Variants in TTBK2 observed in about 807,000 individuals in gnomAD.
TTBK2 encodes the protein tau-tubulin kinase 2.
In TTBK2, 28 loss-of-function variants were observed where a neutral mutation model predicts 110.8. The ratio of observed to expected loss-of-function variants is 0.25; its 90% confidence interval spans 0.19 to 0.35. The LOEUF (loss-of-function observed/expected upper bound fraction) is 0.35. Among genes scored for constraint, TTBK2 ranks in the 10% least tolerant of loss-of-function variants. The pLI is 1.00. For synonymous variants in TTBK2, 532 were observed against 527.3 expected (o/e 1.01, Z -0.12); for missense variants, 1,369 against 1,500.3 (o/e 0.91, Z 1.45).
At chr15:42,839,131 T>C (rs557215272) in intron 4 of TTBK2, among the ~76,000 whole-genome samples, 3 of 152,284 alleles carry the variant, frequency 2.0e-5, no homozygotes, top group East Asian at 1.9e-4. Flanking sequence ...CTGGTGTCTA[T>C]TGTCCCCCTC....
At chr15:42,802,081 A>C (rs778608905) in intron 9 of TTBK2, 2 of 1,463,794 alleles carry the variant, frequency 1.4e-6, no homozygotes, top group Non-Finnish European at 9.5e-7. Flanking sequence ...CTGCTCCAGG[A>C]ACCGTACCTT....
In TTBK2 at chr15:42,743,758, C is replaced by T. The variant is rs2061763198; in HGVS notation, c.*2037G>A. 1 of 152,048 alleles carries T rather than the reference C, an allele frequency of 6.6e-6. No homozygotes were observed. The highest frequency in any genetic ancestry group is 2.4e-5 in the African/African-American group (1 of 41,400). 9.4% of individuals were successfully genotyped at this position (152,048 alleles called of 1,614,324 possible). ...CTTTTTGAAATGAAAATTAAATAAC[C>T]TATCTTGGCTTGTTAAATACTGCCC... On this transcript the variant is annotated 3_prime_UTR_variant, in exon 15 of 15. Coordinates refer to ENST00000267890, the MANE Select transcript of TTBK2 (RefSeq NM_173500.4).
intron 9 of TTBK2, among the ~76,000 whole-genome samples, chr15:42,804,579 T>G (rs1891377067): frequency 6.6e-6 from 1 of 152,180 alleles, no homozygotes; most frequent in Admixed American, 6.5e-5. Flanking sequence ...CTTTTAAGTA[T>G]GGTGCTATTT....
intron 13 of TTBK2, among the ~76,000 whole-genome samples, chr15:42,755,901 A>G (rs2061939078): frequency 6.6e-6 from 1 of 152,208 alleles, no homozygotes; most frequent in Non-Finnish European, 1.5e-5. Flanking sequence ...ATGATAACCT[A>G]TATTCAAAAT....
rs57982301 is a variant in TTBK2, at chr15:42,875,905, C to CAAAAAA, written c.69+2638_69+2643dup. The stretch of plus-strand genomic sequence containing the variant: ...TGGGCGACAGAGCAAGACTCCGTCT[C>CAAAAAA]AAAAAAAAAAAAAAAAAAAAAAGAA... On this transcript the variant is annotated intron_variant, in intron 2 of 14. Coordinates refer to ENST00000267890, the MANE Select transcript of TTBK2 (RefSeq NM_173500.4). Among the ~76,000 whole-genome samples, 71 of 56,456 alleles carry CAAAAAA rather than the reference C, an allele frequency of 1.3e-3. 2 individuals carry two copies. The highest frequency in any genetic ancestry group is 1.7e-3 in the East Asian group (3 of 1,790). The allele number at this position is 56,456 out of a possible 152,430, so 37.0% of individuals were successfully genotyped here. A position where few individuals can be genotyped will look rare whatever the true frequency, so the allele number is the denominator to read the frequency against.
At chr15:42,825,631 C>T (rs1369793793) in intron 6 of TTBK2, among the ~76,000 whole-genome samples, 1 of 152,148 alleles carries the variant, frequency 6.6e-6, no homozygotes, top group Non-Finnish European at 1.5e-5. Flanking sequence ...AAGAGAATCA[C>T]TTGAACCTAG....
chr15:42,806,733 T>G (rs940284826), intron 9 of TTBK2, among the ~76,000 whole-genome samples: 6 of 152,216 alleles, frequency 3.9e-5, no homozygotes, highest in African/African-American at 1.4e-4. Context: ...ATCAAGCTTC[T>G]CTAACCTGTA....
intron 4 of TTBK2, among the ~76,000 whole-genome samples, chr15:42,836,965 A>C (rs1023005659): frequency 4.6e-5 from 7 of 152,326 alleles, no homozygotes; most frequent in African/African-American, 1.7e-4. Flanking sequence ...ATGAGGATCA[A>C]ATAAGATGAT....
intron 9 of TTBK2, among the ~76,000 whole-genome samples, chr15:42,809,106 T>C (rs1027397130): frequency 6.6e-6 from 1 of 152,256 alleles, no homozygotes; most frequent in African/African-American, 2.4e-5. Context: ...ATCACTTACA[T>C]AACATCTTTT....
At chr15:42,910,366 T>C (rs766579015) in intron 1 of TTBK2, among the ~76,000 whole-genome samples, 14 of 152,138 alleles carry the variant, frequency 9.2e-5, no homozygotes, top group Non-Finnish European at 2.1e-4. Context: ...ACAATTTACG[T>C]CCTCCTAATA....
chr15:42,874,639 G>A (rs1894742819), intron 2 of TTBK2, among the ~76,000 whole-genome samples: 1 of 151,492 alleles, frequency 6.6e-6, no homozygotes, highest in Admixed American at 6.6e-5. Flanking sequence ...TTTTCATTTG[G>A]TGATGGGAAA....
Position 42,878,587 on chromosome 15 carries a change from G to A in TTBK2, c.31C>T (p.Leu11=), listed in dbSNP as rs773625809. Residue 11 remains leucine (L), a synonymous_variant, in exon 2 of 15, where the codon CTG becomes TTG. Coordinates refer to ENST00000267890, the MANE Select transcript of TTBK2 (RefSeq NM_173500.4). ...TCTTTCACTAGGATTCCAACACTCA[G>A]GATATCCAGCTGCTCTCCTCCCCCA... MSGGGEQLDI[L]SVGILVKERW... 27 of 1,612,842 alleles carry A rather than the reference G, an allele frequency of 1.7e-5. No individual in the cohort carries two copies. The highest frequency in any genetic ancestry group is 2.2e-5 in the Non-Finnish European group (26 of 1,179,802).
chr15:42,902,967 A>G (rs2030145031), intron 1 of TTBK2, among the ~76,000 whole-genome samples: 2 of 151,274 alleles, frequency 1.3e-5, no homozygotes, highest in Non-Finnish European at 3.0e-5. Context: ...CCTGGGCAAC[A>G]GAGTGACACT....
intron 6 of TTBK2, among the ~76,000 whole-genome samples, chr15:42,824,682 C>G (rs1892452700): frequency 6.6e-6 from 1 of 151,926 alleles, no homozygotes; most frequent in Non-Finnish European, 1.5e-5. Context: ...AACTCGTAGA[C>G]ACAAAGGGAA....
chr15:42,802,282 C>A (rs1318961813), intron 9 of TTBK2: 2 of 792,604 alleles, frequency 2.5e-6, no homozygotes, highest in Non-Finnish European at 2.3e-6. Flanking sequence ...GCTGCTGCTG[C>A]CCATTCGGGA....
chr15:42,783,373 C>T, intron 11 of TTBK2, 46 bp downstream of exon 11: 1 of 1,591,494 alleles, frequency 6.3e-7, no homozygotes, highest in South Asian at 1.1e-5. Flanking sequence ...TCCCAGCCTT[C>T]TGAACTGTAA....
At chr15:42,835,558 T>C (rs574195711) in intron 4 of TTBK2, among the ~76,000 whole-genome samples, 213 of 152,022 alleles carry the variant, frequency 1.4e-3, no homozygotes, top group Non-Finnish European at 2.6e-3. Context: ...GTGAACCAAT[T>C]GATTAAAAGA....
At position 42,745,924 on chromosome 15, in the gene TTBK2, C is replaced by T; in HGVS notation, c.3606G>A (p.Arg1202=). 1 of 1,614,064 alleles carries T rather than the reference C, an allele frequency of 6.2e-7. No individual in the cohort carries two copies. The highest frequency in any genetic ancestry group is 1.1e-5 in the South Asian group (1 of 91,064). The change falls in exon 15 of 15, where the codon AGG becomes AGA. Residue 1202 remains arginine (R), a synonymous_variant. Coordinates refer to ENST00000267890, the MANE Select transcript of TTBK2 (RefSeq NM_173500.4). ...PSHSGSSSSR[R]SCQQEHCKPS... Reference sequence around the variant, plus strand: ...GTTTGCAATGCTCCTGTTGGCAGGACCTCCTGGAGGAGGAAGATCCTGAGT... The same window carrying T: ...GTTTGCAATGCTCCTGTTGGCAGGATCTCCTGGAGGAGGAAGATCCTGAGT...
chr15:42,872,923 T>C (rs905824119), intron 2 of TTBK2, among the ~76,000 whole-genome samples, 165 bp from the exon 3 acceptor site: 1 of 152,190 alleles, frequency 6.6e-6, no homozygotes, highest in African/African-American at 2.4e-5. Context: ...AGAAAACATA[T>C]GCCTGAAAAT....
Sources: allele counts gnomAD v4.1 joint callset (sites outside exome capture counted in the v4.1 genomes callset), GRCh38; gene constraint gnomAD v4.1.1; transcripts MANE v1.5; gene names NCBI Gene and HGNC (gene_info 2026-07-23, HGNC 2026-07-21).